The following ABL2 variants were observed in gnomAD, a reference collection of about 807,000 sequenced individuals.
ABL2 encodes tyrosine-protein kinase ABL2.
In ABL2, 49 loss-of-function variants were observed where a neutral mutation model predicts 107.7. That is an observed-to-expected ratio of 0.45 (90% CI 0.36 to 0.58). The LOEUF (loss-of-function observed/expected upper bound fraction) is 0.58. Ranked by LOEUF, ABL2 falls within the 20% of genes least tolerant of loss-of-function variation. The pLI, the probability that ABL2 is intolerant of heterozygous loss-of-function variation, is 0.00. For missense variants in ABL2, 1,245 were observed against 1,457.0 expected (o/e 0.85, Z 2.37); for synonymous variants, 549 against 548.6 (o/e 1.00, Z -0.01).
intron 3 of ABL2, among the ~76,000 whole-genome samples, chr1:179,131,030 T>C (rs1397904472): frequency 4.0e-5 from 6 of 151,592 alleles, no homozygotes. Context: ...AACCTCTGCC[T>C]CCCGAGTTCA....
At chr1:179,161,117 A>G (rs1382549222) in intron 1 of ABL2, among the ~76,000 whole-genome samples, 1 of 152,192 alleles carries the variant, frequency 6.6e-6, no homozygotes, top group Non-Finnish European at 1.5e-5. Context: ...ACAAATAGGG[A>G]TAAAGGGTCA....
intron 1 of ABL2, among the ~76,000 whole-genome samples, chr1:179,206,848 T>A (rs1174879486): frequency 3.9e-5 from 6 of 152,194 alleles, no homozygotes; most frequent in Non-Finnish European, 8.8e-5. Flanking sequence ...AAAGGATAGA[T>A]TGAGAATTCT....
intron 1 of ABL2, among the ~76,000 whole-genome samples, chr1:179,209,792 TC>T (rs1277598441): frequency 2.6e-5 from 4 of 152,158 alleles, no homozygotes; most frequent in African/African-American, 9.7e-5. Context: ...AGCAGGAGAT[TC>T]AGAGAAATTC....
intron 1 of ABL2, among the ~76,000 whole-genome samples, chr1:179,207,505 C>A (rs1346909255): frequency 6.6e-6 from 1 of 151,788 alleles, no homozygotes; most frequent in Non-Finnish European, 1.5e-5. Context: ...CTATTTCAAC[C>A]AATAAAAATG....
chr1:179,184,657 G>A, intron 1 of ABL2: 1 of 493,946 alleles, frequency 2.0e-6, no homozygotes, highest in South Asian at 2.1e-5. Context: ...TGATGATAAA[G>A]GGAAGGAAGG....
intron 1 of ABL2, among the ~76,000 whole-genome samples, chr1:179,153,387 C>T (rs562247877): frequency 2.4e-4 from 37 of 152,012 alleles, no homozygotes; most frequent in Middle Eastern, 3.4e-3. Context: ...TTTGGGAGGC[C>T]GGAAGTCTGA....
At chr1:179,162,215 A>G (rs1557965825) in intron 1 of ABL2, among the ~76,000 whole-genome samples, 1 of 152,222 alleles carries the variant, frequency 6.6e-6, no homozygotes, top group Admixed American at 6.5e-5. Context: ...AAGATTGGAA[A>G]ATGCTGAATA....
At chr1:179,189,886 T>A (rs1660898610) in intron 1 of ABL2, among the ~76,000 whole-genome samples, 1 of 151,912 alleles carries the variant, frequency 6.6e-6, no homozygotes, top group Admixed American at 6.6e-5. Context: ...AACGGCGTGA[T>A]CTCGGCTCAT....
rs1368647283 is a variant in ABL2 at position 179,200,041 on chromosome 1, T to C, written c.157+29200A>G. On this transcript the variant is annotated intron_variant, in intron 1 of 11. Transcript: ENST00000502732. Reference sequence around the variant, plus strand: ...CCACTGCACCTGGCCCCCAATGCCTTTTTTTTTTTTTTTTTTTTTTTTTAA... The same window carrying C: ...CCACTGCACCTGGCCCCCAATGCCTCTTTTTTTTTTTTTTTTTTTTTTTAA... Among the ~76,000 whole-genome samples the C allele has an allele frequency of 9.1e-4, 5 of 5,512 alleles. No individual in the cohort carries two copies. The South Asian group carries it at 0.022, about 24-fold the overall frequency. 3.6% of individuals were successfully genotyped at this position (5,512 alleles called of 152,430 possible). A position where few individuals can be genotyped will look rare whatever the true frequency, so the allele number is the denominator to read the frequency against.
chr1:179,116,637 A>G (rs1654659402), intron 8 of ABL2, among the ~76,000 whole-genome samples: 1 of 150,814 alleles, frequency 6.6e-6, no homozygotes, highest in African/African-American at 2.4e-5. Flanking sequence ...CAGCCTCCCA[A>G]GTAGCTGGGA....
chr1:179,226,088 A>T (rs541610479), intron 1 of ABL2, among the ~76,000 whole-genome samples: 7 of 150,596 alleles, frequency 4.6e-5, no homozygotes, highest in African/African-American at 1.7e-4. Context: ...TGATGTACAG[A>T]AAAAAACTTT....
intron 9 of ABL2, 70 bp from the exon 10 acceptor site, chr1:179,112,468 T>C (rs1489350318): frequency 2.5e-6 from 3 of 1,211,154 alleles, no homozygotes; most frequent in Non-Finnish European, 3.6e-6. Context: ...TATCTAATAA[T>C]GAGTTCTATG....
chr1:179,229,067 G>C (rs566776736), intron 1 of ABL2, among the ~76,000 whole-genome samples, 174 bp downstream of exon 1: 6 of 152,116 alleles, frequency 3.9e-5, no homozygotes, highest in Non-Finnish European at 7.4e-5. Context: ...AGACGCGAGG[G>C]GGGAGGGGTG....
chr1:179,118,793 T>C (rs1320980445), intron 6 of ABL2, 29 bp from the exon 7 acceptor site: 2 of 1,609,226 alleles, frequency 1.2e-6, no homozygotes, highest in East Asian at 2.2e-5. Flanking sequence ...TGCTTGTTTT[T>C]ATTAGTGTAC....
At chr1:179,222,386 T>C (rs1022877394) in intron 1 of ABL2, among the ~76,000 whole-genome samples, 16 of 151,886 alleles carry the variant, frequency 1.1e-4, no homozygotes, top group African/African-American at 3.6e-4. Flanking sequence ...CCCGCCACCA[T>C]GCCTGGCTAA....
chr1:179,229,609 C>G lies in ABL2; in HGVS notation c.-212G>C. On this transcript the variant is annotated 5_prime_UTR_variant, in exon 1 of 12. Coordinates refer to ENST00000502732, the MANE Select transcript of ABL2 (RefSeq NM_007314.4). ...CTCACAGATTCTGCTTTTCCCTCCT[C>G]CTGTCGCGGCTCCGCGCCCCCAACG... is the stretch of plus-strand genomic sequence containing the variant. 1 of 538,378 alleles carries G rather than the reference C, an allele frequency of 1.9e-6. No individual in the cohort carries two copies. The highest frequency in any genetic ancestry group is 3.1e-6 in the Non-Finnish European group (1 of 322,808). 33.4% of individuals were successfully genotyped at this position (538,378 alleles called of 1,614,324 possible). A position where few individuals can be genotyped will look rare whatever the true frequency, so the allele number is the denominator to read the frequency against.
intron 1 of ABL2, among the ~76,000 whole-genome samples, chr1:179,146,254 A>G (rs1401513289): frequency 1.3e-5 from 2 of 152,204 alleles, no homozygotes; most frequent in Non-Finnish European, 2.9e-5. Flanking sequence ...GAGACAAAGA[A>G]AAGTGGAAGA....
At chr1:179,227,023 ACTC>A (rs1663256211) in intron 1 of ABL2, among the ~76,000 whole-genome samples, 1 of 151,998 alleles carries the variant, frequency 6.6e-6, no homozygotes, top group Non-Finnish European at 1.5e-5. Context: ...CCTTGAAATT[ACTC>A]CTCCCATTTC....
At chr1:179,218,229 T>C (rs116421999) in intron 1 of ABL2, among the ~76,000 whole-genome samples, 321 of 152,290 alleles carry the variant, frequency 2.1e-3, no homozygotes, top group African/African-American at 7.3e-3. Context: ...AGACCTCTAA[T>C]GTACGAACTT....
Sources: allele counts gnomAD v4.1 joint callset (sites outside exome capture counted in the v4.1 genomes callset), GRCh38; gene constraint gnomAD v4.1.1; transcripts MANE v1.5; gene names NCBI Gene and HGNC (gene_info 2026-07-23, HGNC 2026-07-21).